ANKRD26: variants seen among roughly 807,000 people sequenced by gnomAD.
ANKRD26 encodes ankyrin repeat domain-containing protein 26.
ANKRD26 carries 141 observed loss-of-function variants against 208.7 expected under a neutral mutation model. The ratio of observed to expected loss-of-function variants is 0.68; its 90% CI spans 0.59 to 0.78. The LOEUF is 0.78. ANKRD26 is among the 30% of genes least tolerant of loss of function. The pLI, the probability that ANKRD26 is intolerant of heterozygous loss-of-function variation, is 0.00. For missense variants in ANKRD26, 1,889 were observed against 1,938.7 expected (o/e 0.97, Z 0.48); for synonymous variants, 636 against 660.4 (o/e 0.96, Z 0.57).
At chr10:26,975,287 G>A (rs756937707) in exon 6 of ANKRD26, among the ~76,000 whole-genome samples, 93 of 151,986 alleles carry the variant, frequency 6.1e-4, no homozygotes, top group Non-Finnish European at 8.4e-4. Flanking sequence ...GAAGTATGGT[G>A]GTGTGATCAT....
In ANKRD26 at chr10:27,043,406, A is replaced by C; in HGVS notation, c.2161+20T>G. The C allele has an allele frequency of 6.2e-7, 1 of 1,612,972 alleles. No individual in the cohort carries two copies. ...CAATGGGATACATAAAAAGGCCTTA[A>C]ATTTATGCAATGGTCCTACCTTTAC... is the stretch of plus-strand genomic sequence containing the variant. On this transcript the variant is annotated intron_variant, in intron 20 of 33. Coordinates refer to ENST00000376087, the MANE Select transcript of ANKRD26 (RefSeq NM_014915.3).
At chr10:26,986,517 T>C (rs1455617025) in intron 3 of ANKRD26, among the ~76,000 whole-genome samples, 1 of 152,190 alleles carries the variant, frequency 6.6e-6, no homozygotes, top group Non-Finnish European at 1.5e-5. Context: ...AGAAAATTTT[T>C]GCAATCTACC....
chr10:26,976,905 C>T (rs1385662716), intron 5 of ANKRD26, among the ~76,000 whole-genome samples: 1 of 152,110 alleles, frequency 6.6e-6, no homozygotes, highest in East Asian at 1.9e-4. Flanking sequence ...GTAAGAAATC[C>T]ACTATTTTCA....
chr10:27,074,440 G>A (rs971895978), intron 9 of ANKRD26, among the ~76,000 whole-genome samples: 2 of 152,212 alleles, frequency 1.3e-5, no homozygotes, highest in Non-Finnish European at 2.9e-5. Flanking sequence ...CAGCACTTTG[G>A]GAGGCCAAGG....
At chr10:26,963,163 T>C in the ANKRD26 span, among the ~76,000 whole-genome samples, 1 of 152,202 alleles carries the variant, frequency 6.6e-6, no homozygotes, top group African/African-American at 2.4e-5. Context: ...CGGCCACCTC[T>C]CCTCCCCACT....
At chr10:26,963,929 T>TTTTTTTTTTTTTTTG in the ANKRD26 span, among the ~76,000 whole-genome samples, 2 of 142,178 alleles carry the variant, frequency 1.4e-5, no homozygotes, top group Non-Finnish European at 1.5e-5. Flanking sequence ...TTTTTTTTTT[T>TTTTTTTTTTTTTTTG]GAGACAGGAT....
At chr10:27,023,849 T>TA (rs1195596799) in intron 28 of ANKRD26, among the ~76,000 whole-genome samples, 1 of 152,162 alleles carries the variant, frequency 6.6e-6, no homozygotes, top group African/African-American at 2.4e-5. Context: ...TCTTAAATCA[T>TA]ACATACTTTT....
chr10:27,071,794 A>G (rs2055510999), intron 9 of ANKRD26, among the ~76,000 whole-genome samples: 2 of 152,132 alleles, frequency 1.3e-5, no homozygotes, highest in South Asian at 4.1e-4. Flanking sequence ...AAGCCCGGCA[A>G]TCCAGGCCAC....
At chr10:27,026,179 G>T (rs553450305) in intron 27 of ANKRD26, among the ~76,000 whole-genome samples, 1 of 152,316 alleles carries the variant, frequency 6.6e-6, no homozygotes, top group East Asian at 1.9e-4. Flanking sequence ...TGAGTTGGTT[G>T]AAAGCGGTCT....
In ANKRD26 at chr10:27,022,291, G is replaced by A. The variant is rs543450613; in HGVS notation, c.4215+267C>T. ...GGATGGAGGGTGAGAGAAGGGAGAGGAATCAAGAAAAATAACTAATGAGCA... is the reference window on the plus strand; with the variant it reads ...GGATGGAGGGTGAGAGAAGGGAGAGAAATCAAGAAAAATAACTAATGAGCA... On this transcript the variant is annotated intron_variant, in intron 29 of 33. Transcript: ENST00000376087. 5.3e-5 allele frequency among the ~76,000 whole-genome samples: 8 copies of A among 152,164 alleles called. No homozygotes were observed. The South Asian group carries it at 1.5e-3, about 28-fold the overall frequency.
intron 30 of ANKRD26, among the ~76,000 whole-genome samples, chr10:27,016,948 G>C (rs749760141): frequency 6.6e-5 from 10 of 152,050 alleles, no homozygotes; most frequent in Non-Finnish European, 1.2e-4. Context: ...AGCACTTTGG[G>C]AGACCTAAGC....
the ANKRD26 span, among the ~76,000 whole-genome samples, chr10:26,961,397 A>C: frequency 6.6e-6 from 1 of 152,240 alleles, no homozygotes; most frequent in Admixed American, 6.5e-5. Context: ...TCCCAAAAGT[A>C]AGCATGACTT....
intron 15 of ANKRD26, among the ~76,000 whole-genome samples, chr10:27,057,714 G>A (rs1331897362): frequency 3.3e-5 from 5 of 152,158 alleles, no homozygotes; most frequent in South Asian, 2.1e-4. Context: ...CAAGATGGGT[G>A]GATCACGAGG....
chr10:26,972,051 C>G (rs71483823), downstream of ANKRD26, among the ~76,000 whole-genome samples: 6 of 151,782 alleles, frequency 4.0e-5, no homozygotes, highest in South Asian at 2.1e-4. Context: ...CTGGCTAACA[C>G]GGTGAAACCC....
At chr10:27,070,131 G>T (rs145174273) in intron 9 of ANKRD26, among the ~76,000 whole-genome samples, 3,432 of 146,560 alleles carry the variant, frequency 0.023, 117 homozygotes, top group African/African-American at 0.082. Flanking sequence ...AAGGCCAGGC[G>T]TGGTGGCTCA....
chr10:27,071,165 T>C (rs1471805150), intron 9 of ANKRD26, among the ~76,000 whole-genome samples: 3 of 138,534 alleles, frequency 2.2e-5, no homozygotes, highest in African/African-American at 8.2e-5. Flanking sequence ...ATTCATTTTT[T>C]TTTTTTTTTT....
At chr10:27,049,619 C>T (rs1238656709) in intron 16 of ANKRD26, among the ~76,000 whole-genome samples, 2 of 152,052 alleles carry the variant, frequency 1.3e-5, no homozygotes, top group Non-Finnish European at 2.9e-5. Flanking sequence ...ATTTCACATT[C>T]AATAACTAAA....
rs1424183871 is a variant in ANKRD26 at position 27,035,396 on chromosome 10, A to G, written c.3054T>C (p.His1018=). Residue 1018 remains histidine (H), a synonymous_variant, in exon 24 of 34, where the codon CAT becomes CAC. Coordinates refer to ENST00000376087, the MANE Select transcript of ANKRD26 (RefSeq NM_014915.3). Reference sequence around the variant, plus strand: ...TTGATGTCTCACTTTGATCACGATCATGTATAGCAGCAGCCAATCTAGAAT... The same window carrying G: ...TTGATGTCTCACTTTGATCACGATCGTGTATAGCAGCAGCCAATCTAGAAT... ...SYHSRLAAAI[H]DRDQSETSKR... is the part of the protein sequence containing the mutation. 1.9e-6 allele frequency: 3 copies of G among 1,613,986 alleles called. No homozygotes were observed. Among genetic ancestry groups the G allele is most frequent in the South Asian group, 2.2e-5 (2 of 91,084 alleles).
Position 27,017,555 on chromosome 10 carries a change from T to C in ANKRD26, c.4453A>G (p.Arg1485Gly), listed in dbSNP as rs771898482. The change falls in exon 30 of 34, where the codon AGA becomes GGA. Residue 1485 changes from arginine (R) to glycine (G), a missense_variant. Physicochemically the swap from Arg to Gly is moderately radical, Grantham distance 125. This residue lies in a region of ANKRD26 where 613 missense variants were observed against 648.2 expected (regional missense o/e 0.95). Coordinates refer to ENST00000376087, the MANE Select transcript of ANKRD26 (RefSeq NM_014915.3). ...VKQYKQEIEE[R>G]ARQEIAEKLK... ...TTTTCTGCTATTTCCTGTCTTGCTCTTTCTTCAATCTCCTGTTTATACTGT... is the reference window on the plus strand; with the variant it reads ...TTTTCTGCTATTTCCTGTCTTGCTCCTTCTTCAATCTCCTGTTTATACTGT... 3 of 1,613,770 alleles carry C rather than the reference T, an allele frequency of 1.9e-6. No homozygotes were observed. In the South Asian group the frequency reaches 3.3e-5, roughly 18 times the overall value.
Sources: gnomAD v4.1 joint callset for allele counts (sites outside exome capture counted in the v4.1 genomes callset) on GRCh38, gnomAD v4.1.1 for gene constraint, gnomAD v4.1.1 regional missense constraint, MANE v1.5 for transcripts, NCBI Gene and HGNC (gene_info 2026-07-23, HGNC 2026-07-21) for gene names.